Variants in UBASH3B observed in about 807,000 individuals in gnomAD.
The protein encoded by UBASH3B is ubiquitin associated and SH3 domain containing B.
In UBASH3B, 37 loss-of-function variants were observed where a neutral mutation model predicts 83.4. The ratio of observed to expected loss-of-function variants is 0.44; its 90% CI spans 0.34 to 0.58. UBASH3B has a LOEUF of 0.58. Among genes scored for constraint, UBASH3B ranks in the 20% least tolerant of loss-of-function variants. The pLI, the probability that UBASH3B is intolerant of heterozygous loss-of-function variation, is 0.01. For synonymous variants in UBASH3B, 304 were observed against 318.3 expected (o/e 0.96, Z 0.48); for missense variants, 657 against 827.2 (o/e 0.79, Z 2.52).
intron 4 of UBASH3B, among the ~76,000 whole-genome samples, chr11:122,780,480 G>A (rs1485306574): frequency 6.6e-6 from 1 of 152,184 alleles, no homozygotes; most frequent in Non-Finnish European, 1.5e-5. Context: ...TGGGGGGAGA[G>A]CCTCTTGGCT....
At chr11:122,700,717 G>A (rs985813368) in intron 1 of UBASH3B, among the ~76,000 whole-genome samples, 13 of 152,116 alleles carry the variant, frequency 8.5e-5, no homozygotes, top group African/African-American at 3.1e-4. Flanking sequence ...AGCTGGTCTT[G>A]AACTCCTGGC....
At chr11:122,705,586 A>T (rs998554042) in intron 1 of UBASH3B, among the ~76,000 whole-genome samples, 3 of 152,096 alleles carry the variant, frequency 2.0e-5, no homozygotes, top group Non-Finnish European at 4.4e-5. Flanking sequence ...GTCTCACAGA[A>T]ATTGTTGAAG....
intron 1 of UBASH3B, among the ~76,000 whole-genome samples, chr11:122,721,378 G>C (rs1038658570): frequency 6.6e-6 from 1 of 152,158 alleles, no homozygotes; most frequent in Non-Finnish European, 1.5e-5. Context: ...CACTACGGGG[G>C]GGTGGGAGTG....
chr11:122,805,555 C>A lies in UBASH3B; in HGVS notation c.1596-855C>A, dbSNP rs143354983. On this transcript the variant is annotated intron_variant, in intron 11 of 13. Transcript: ENST00000284273. ...CTCAAAAATAAAACAACAACAACAACAAAAAACAAATAACAAAAAATAAAT... is the reference window on the plus strand; with the variant it reads ...CTCAAAAATAAAACAACAACAACAAAAAAAAACAAATAACAAAAAATAAAT... 5.2e-3 allele frequency among the ~76,000 whole-genome samples: 797 copies of A among 152,016 alleles called. 4 individuals carry two copies. Among genetic ancestry groups the A allele is most frequent in the African/African-American group, 0.01 (424 of 41,464 alleles).
chr11:122,754,235 C>T (rs1003254449), intron 1 of UBASH3B, among the ~76,000 whole-genome samples: 1 of 152,198 alleles, frequency 6.6e-6, no homozygotes. Flanking sequence ...AGGGAGCCTG[C>T]CTTTCTGGCT....
Position 122,799,019 on chromosome 11 carries a change from C to G in UBASH3B, c.1435C>G (p.His479Asp). ...GTCCCTTCGCTGCGTTCAGACTGCACACAATATCTTGAAAGGTAAGACTTG... is the reference window on the plus strand; with the variant it reads ...GTCCCTTCGCTGCGTTCAGACTGCAGACAATATCTTGAAAGGTAAGACTTG... ...SPSLRCVQTA[H>D]NILKGLQQEN... The change falls in exon 10 of 14, where the codon CAC becomes GAC. Residue 479 changes from histidine (H) to aspartate (D), a missense_variant. Physicochemically the swap from His to Asp is moderately conservative, Grantham distance 81 (BLOSUM62 -1). Transcript: ENST00000284273. The G allele has an allele frequency of 6.2e-7, 1 of 1,613,976 alleles. No homozygotes were observed. The highest frequency in any genetic ancestry group is 8.5e-7 in the Non-Finnish European group (1 of 1,179,924).
At position 122,662,972 on chromosome 11, in the gene UBASH3B, C is replaced by CTTTTTTTTTTT. The variant is rs568564848; in HGVS notation, c.161+6774_161+6784dup. On this transcript the variant is annotated intron_variant, in intron 1 of 13. Coordinates refer to ENST00000284273, the MANE Select transcript of UBASH3B (RefSeq NM_032873.5). ...AAAATTCCCTCTTACGCGCTAATGTCTTTTTTTTTTTTTTTTTTTTTTGAG... is the reference window on the plus strand; with the variant it reads ...AAAATTCCCTCTTACGCGCTAATGTCTTTTTTTTTTTTTTTTTTTTTTTTTTTTTTTTTGAG... Among the ~76,000 whole-genome samples the CTTTTTTTTTTT allele has an allele frequency of 1.1e-4, 12 of 110,588 alleles. 1 individual carries two copies. The highest frequency in any genetic ancestry group is 4.0e-4 in the African/African-American group (11 of 27,266). 72.6% of individuals were successfully genotyped at this position (110,588 alleles called of 152,430 possible). A position where few individuals can be genotyped will look rare whatever the true frequency, so the allele number is the denominator to read the frequency against.
intron 1 of UBASH3B, among the ~76,000 whole-genome samples, chr11:122,749,814 C>A (rs749712740): frequency 6.6e-5 from 10 of 152,190 alleles, no homozygotes; most frequent in Non-Finnish European, 1.5e-4. Flanking sequence ...CTCACTGCAA[C>A]CTCCGCCTTC....
At chr11:122,729,204 G>A (rs76325091) in intron 1 of UBASH3B, among the ~76,000 whole-genome samples, 4,408 of 152,268 alleles carry the variant, frequency 0.029, 89 homozygotes, top group Middle Eastern at 0.075. Flanking sequence ...CAACGCCACA[G>A]GGGCCAGCTC....
At chr11:122,765,386 C>A (rs1305229491) in intron 1 of UBASH3B, among the ~76,000 whole-genome samples, 1 of 152,134 alleles carries the variant, frequency 6.6e-6, no homozygotes. Context: ...CGGGCACTTG[C>A]GACGCTTCCC....
In UBASH3B at chr11:122,777,008, T is replaced by C. The variant is rs189938756; in HGVS notation, c.216-16T>C. ...ATTCTCAAGCGACACCTTGTTGGCT[T>C]ACTTCTGTCTTACAGGTTATTCTCC... On this transcript the variant is annotated splice_polypyrimidine_tract_variant and intron_variant, in intron 2 of 13. Coordinates refer to ENST00000284273, the MANE Select transcript of UBASH3B (RefSeq NM_032873.5). The C allele has an allele frequency of 5.3e-3, 8,386 of 1,575,082 alleles. 31 individuals are homozygous for C. The highest frequency in any genetic ancestry group is 6.1e-3 in the Non-Finnish European group (7,082 of 1,158,762).
At chr11:122,785,485 GGCCTC>G (rs1860931370) in intron 5 of UBASH3B, among the ~76,000 whole-genome samples, 1 of 152,188 alleles carries the variant, frequency 6.6e-6, no homozygotes, top group Non-Finnish European at 1.5e-5. Flanking sequence ...AAAACTCCAA[GGCCTC>G]ATTCCTCTGC....
intron 1 of UBASH3B, among the ~76,000 whole-genome samples, chr11:122,719,009 C>A (rs1317444869): frequency 6.6e-6 from 1 of 152,072 alleles, no homozygotes; most frequent in African/African-American, 2.4e-5. Context: ...TGCACTCCAG[C>A]CTGGGCGACA....
rs190261851 is a variant in UBASH3B at position 122,681,487 on chromosome 11, C to G, written c.161+25277C>G. Among the ~76,000 whole-genome samples the G allele has an allele frequency of 1.2e-3, 184 of 152,304 alleles. 1 individual carries two copies. Among genetic ancestry groups the G allele is most frequent in the Non-Finnish European group, 2.4e-3 (165 of 68,028 alleles). ...TAAGTCCCAGACAAGCCACACTGAACAGTCCACTCTGAAATCACGTGTGTA... is the reference window on the plus strand; with the variant it reads ...TAAGTCCCAGACAAGCCACACTGAAGAGTCCACTCTGAAATCACGTGTGTA... On this transcript the variant is annotated intron_variant, in intron 1 of 13. Transcript: ENST00000284273.
At chr11:122,715,903 T>C (rs1860517641) in intron 1 of UBASH3B, among the ~76,000 whole-genome samples, 1 of 152,256 alleles carries the variant, frequency 6.6e-6, no homozygotes, top group African/African-American at 2.4e-5. Context: ...GTCATGGTGT[T>C]CAACCCCTTG....
intron 1 of UBASH3B, among the ~76,000 whole-genome samples, chr11:122,736,575 G>A (rs1056628897): frequency 7.9e-5 from 12 of 152,068 alleles, no homozygotes; most frequent in Admixed American, 2.0e-4. Flanking sequence ...CTTTAGCGAC[G>A]CTCTTCATTC....
At chr11:122,677,853 C>T (rs1863687960) in intron 1 of UBASH3B, among the ~76,000 whole-genome samples, 1 of 152,182 alleles carries the variant, frequency 6.6e-6, no homozygotes, top group Non-Finnish European at 1.5e-5. Flanking sequence ...CTCACCACAA[C>T]CTCTGCCTCC....
At chr11:122,717,430 G>A (rs1411100856) in intron 1 of UBASH3B, among the ~76,000 whole-genome samples, 1 of 152,204 alleles carries the variant, frequency 6.6e-6, no homozygotes, top group East Asian at 1.9e-4. Context: ...AGTAAGAAGG[G>A]GTAGGGAGGA....
Position 122,813,138 on chromosome 11 carries a change from T to A in UBASH3B, c.*3252T>A, listed in dbSNP as rs1431431990. 1 of 152,396 alleles carries A rather than the reference T, an allele frequency of 6.6e-6. No homozygotes were observed. The highest frequency in any genetic ancestry group is 1.5e-5 in the Non-Finnish European group (1 of 68,034). The allele number at this position is 152,396 out of a possible 1,614,324, so 9.4% of individuals were successfully genotyped here. A position where few individuals can be genotyped will look rare whatever the true frequency, so the allele number is the denominator to read the frequency against. ...AAAAAATATGCCTTCTGGAGTGATG[T>A]CTGTTTGGTAAATCATTGTTGATAA... On this transcript the variant is annotated 3_prime_UTR_variant, in exon 14 of 14. Coordinates refer to ENST00000284273, the MANE Select transcript of UBASH3B (RefSeq NM_032873.5).
Sources: gnomAD v4.1 joint callset for allele counts (sites outside exome capture counted in the v4.1 genomes callset) on GRCh38, gnomAD v4.1.1 for gene constraint, MANE v1.5 for transcripts, NCBI Gene and HGNC (gene_info 2026-07-23, HGNC 2026-07-21) for gene names.